ERBB4: variants seen among roughly 807,000 people sequenced by gnomAD.
ERBB4 encodes the protein receptor tyrosine-protein kinase erbB-4.
In ERBB4, 42 loss-of-function variants were observed where a neutral mutation model predicts 158.0. The observed-to-expected ratio is 0.27, with a 90% CI of 0.21 to 0.34. The LOEUF is 0.34. Among genes scored for constraint, ERBB4 ranks in the 10% least tolerant of loss-of-function variants. The pLI, the probability that ERBB4 is intolerant of heterozygous loss-of-function variation, is 1.00. For synonymous variants in ERBB4, 583 were observed against 558.7 expected, an observed-to-expected ratio of 1.04 and a Z score of -0.61; for missense variants, 1,333 against 1,624.1, an observed-to-expected ratio of 0.82 and a Z score of 3.08.
intron 19 of ERBB4, among the ~76,000 whole-genome samples, chr2:211,610,167 A>G (rs2069140575): frequency 6.6e-6 from 1 of 152,086 alleles, no homozygotes; most frequent in Non-Finnish European, 1.5e-5. Flanking sequence ...AAAGATACAT[A>G]TGTCTTTTTA....
intron 1 of ERBB4, among the ~76,000 whole-genome samples, chr2:212,403,619 T>C (rs377563784): frequency 2.0e-5 from 3 of 152,098 alleles, no homozygotes; most frequent in South Asian, 4.1e-4. Context: ...CCAAGTTAAA[T>C]AAGCCAGTCA....
intron 2 of ERBB4, among the ~76,000 whole-genome samples, chr2:211,955,763 T>C (rs2081010259): frequency 6.6e-6 from 1 of 152,116 alleles, no homozygotes; most frequent in Admixed American, 6.6e-5. Context: ...TGCATAATAC[T>C]TACTTGTCCA....
intron 3 of ERBB4, among the ~76,000 whole-genome samples, chr2:211,802,215 C>T (rs955004314): frequency 6.6e-6 from 1 of 151,632 alleles, no homozygotes; most frequent in Middle Eastern, 3.2e-3. Context: ...GCCGAGATAG[C>T]GCCGCTGCAG....
At chr2:212,411,083 T>C (rs980093814) in intron 1 of ERBB4, among the ~76,000 whole-genome samples, 14 of 152,142 alleles carry the variant, frequency 9.2e-5, no homozygotes, top group Non-Finnish European at 1.8e-4. Flanking sequence ...ACTATTTCAT[T>C]GTAGTAAAAT....
intron 1 of ERBB4, among the ~76,000 whole-genome samples, chr2:212,450,918 G>C (rs1303314738): frequency 6.6e-6 from 1 of 151,478 alleles, no homozygotes; most frequent in East Asian, 1.9e-4. Context: ...TTGAGCCTAG[G>C]AGTTTGAGAC....
intron 14 of ERBB4, among the ~76,000 whole-genome samples, chr2:211,669,233 A>AG (rs2071744333): frequency 7.3e-6 from 1 of 137,662 alleles, no homozygotes; most frequent in Non-Finnish European, 1.7e-5. Context: ...AAAAAAAAAA[A>AG]AAAAAGAAAA....
chr2:212,132,052 T>C (rs2080121446), intron 1 of ERBB4, among the ~76,000 whole-genome samples: 1 of 152,206 alleles, frequency 6.6e-6, no homozygotes, highest in African/African-American at 2.4e-5. Flanking sequence ...TTCCTTATCA[T>C]GAAACATAAG....
chr2:212,091,876 A>G (rs746245324), intron 2 of ERBB4, among the ~76,000 whole-genome samples: 5 of 152,160 alleles, frequency 3.3e-5, no homozygotes, highest in Non-Finnish European at 5.9e-5. Flanking sequence ...GCAAAGCAAA[A>G]TTTATTACTT....
intron 1 of ERBB4, among the ~76,000 whole-genome samples, chr2:212,268,018 T>C (rs73986913): frequency 0.21 from 31,337 of 151,724 alleles, 4,135 homozygotes; most frequent in African/African-American, 0.38. Flanking sequence ...ACAGAACAAA[T>C]CTTTTTAGCA....
chr2:212,176,161 C>T (rs1250729644), intron 1 of ERBB4, among the ~76,000 whole-genome samples: 1 of 151,914 alleles, frequency 6.6e-6, no homozygotes, highest in Non-Finnish European at 1.5e-5. Flanking sequence ...TCAGGCTAAC[C>T]CTTGCTGTGC....
At chr2:211,763,960 T>C (rs1241650589) in intron 4 of ERBB4, among the ~76,000 whole-genome samples, 2 of 151,390 alleles carry the variant, frequency 1.3e-5, no homozygotes, top group Non-Finnish European at 2.9e-5. Flanking sequence ...AGAACTCAAA[T>C]TAACAAATAG....
intron 3 of ERBB4, among the ~76,000 whole-genome samples, chr2:211,946,056 T>C (rs574455960): frequency 1.3e-5 from 2 of 150,884 alleles, no homozygotes; most frequent in Admixed American, 6.7e-5. Context: ...ATTATTTCTA[T>C]ATAAGTAGCA....
In ERBB4 at chr2:212,333,378, A is replaced by AATAT. The variant is rs57424089; in HGVS notation, c.82+205067_82+205070dup. 5.5e-4 allele frequency among the ~76,000 whole-genome samples: 83 copies of AATAT among 150,374 alleles called. 1 individual carries two copies. In the East Asian group the frequency reaches 0.01, roughly 19 times the overall value. ...CAAAAGCATAATCTGGGTAGCTTTA[A>AATAT]ATATATATATATATTTCAGGCTGGA... is the stretch of plus-strand genomic sequence containing the variant. On this transcript the variant is annotated intron_variant, in intron 1 of 27. Transcript: ENST00000342788.
At chr2:211,637,004 G>A (rs2070387369) in intron 16 of ERBB4, among the ~76,000 whole-genome samples, 1 of 151,978 alleles carries the variant, frequency 6.6e-6, no homozygotes, top group Admixed American at 6.6e-5. Flanking sequence ...TGCATTTTAT[G>A]AATGTATATG....
At chr2:211,433,884 C>A (rs1270768362) in intron 20 of ERBB4, among the ~76,000 whole-genome samples, 1 of 152,176 alleles carries the variant, frequency 6.6e-6, no homozygotes, top group African/African-American at 2.4e-5. Context: ...CAAGATCCCT[C>A]CGCTCACTAT....
chr2:211,722,082 C>T (rs1183322933), intron 7 of ERBB4, among the ~76,000 whole-genome samples: 1 of 152,098 alleles, frequency 6.6e-6, no homozygotes, highest in Non-Finnish European at 1.5e-5. Flanking sequence ...AGGCTGGTCT[C>T]GAACTCCTGA....
intron 8 of ERBB4, among the ~76,000 whole-genome samples, chr2:211,713,090 C>T (rs114659126): frequency 1.5e-3 from 230 of 152,236 alleles, no homozygotes; most frequent in Admixed American, 2.8e-3. Flanking sequence ...TCATAGATCT[C>T]ATCTTTCAAA....
chr2:211,424,207 A>T lies in ERBB4; in HGVS notation c.2814T>A (p.Arg938=). ...EIPDLLEKGE[R]LPQPPICTID... ...TAGTGCAGATGGGAGGCTGAGGCAA[A>T]CGTTCTCCTTTCTCTAATAAATCAG... The change falls in exon 23 of 28, where the codon CGT becomes CGA. Residue 938 remains arginine (R), a synonymous_variant. Transcript: ENST00000342788. The T allele has an allele frequency of 6.2e-7, 1 of 1,613,376 alleles. No homozygotes were observed. The highest frequency in any genetic ancestry group is 8.5e-7 in the Non-Finnish European group (1 of 1,179,522).
intron 19 of ERBB4, among the ~76,000 whole-genome samples, chr2:211,595,387 T>G (rs1052844100): frequency 6.6e-6 from 1 of 151,954 alleles, no homozygotes; most frequent in Non-Finnish European, 1.5e-5. Flanking sequence ...AATCACTAAG[T>G]TGACAGAAAA....
Sources: allele counts gnomAD v4.1 joint callset (sites outside exome capture counted in the v4.1 genomes callset), GRCh38; gene constraint gnomAD v4.1.1; transcripts MANE v1.5; gene names NCBI Gene and HGNC (gene_info 2026-07-23, HGNC 2026-07-21).